The following TOGARAM2 variants were observed in gnomAD, a reference collection of about 807,000 sequenced individuals.
TOGARAM2 encodes TOG array regulator of axonemal microtubules protein 2.
TOGARAM2 carries 85 observed loss-of-function variants against 93.3 expected under a neutral mutation model. The observed-to-expected ratio is 0.91, with a 90% CI of 0.76 to 1.09. TOGARAM2 has a LOEUF of 1.09. Ranked by LOEUF, TOGARAM2 falls within the 50% of genes least tolerant of loss-of-function variation. TOGARAM2 has a pLI of 0.00. For synonymous variants in TOGARAM2, 593 were observed against 552.8 expected (o/e 1.07, Z -1.02); for missense variants, 1,277 against 1,334.5 (o/e 0.96, Z 0.67).
rs372207139 is a variant in TOGARAM2, at chr2:29,014,438, T to A, written c.921T>A (p.Ala307=). The change falls in exon 8 of 20, where the codon GCT becomes GCA. Residue 307 remains alanine, a synonymous_variant. Transcript: ENST00000379558. ...CACCCATCAGAGACAGGCCTGCCGC[T>A]GCCAAGAAGCCTGCCCTGCCTTTTT... ...LASPIRDRPA[A]AKKPALPFSQ... 6.2e-7 allele frequency: 1 copy of A among 1,609,752 alleles called. No individual in the cohort carries two copies. Among genetic ancestry groups the A allele is most frequent in the South Asian group, 1.1e-5 (1 of 89,810 alleles).
chr2:28,997,397 T>G (rs1673045555), intron 2 of TOGARAM2, among the ~76,000 whole-genome samples: 1 of 152,198 alleles, frequency 6.6e-6, no homozygotes, highest in African/African-American at 2.4e-5. Context: ...TCTGGGAAGC[T>G]TTTTCTGTCC....
intron 3 of TOGARAM2, among the ~76,000 whole-genome samples, 181 bp downstream of exon 3, chr2:28,998,434 G>T (rs1407752543): frequency 1.3e-5 from 2 of 152,238 alleles, no homozygotes. Context: ...TGCCTCAGAG[G>T]TTGGAGGTGT....
chr2:29,042,996 A>C (rs1016433108), intron 18 of TOGARAM2, among the ~76,000 whole-genome samples: 4 of 152,234 alleles, frequency 2.6e-5, no homozygotes, highest in African/African-American at 9.6e-5. Flanking sequence ...TGTTCCTTAC[A>C]TTAGAGAATG....
intron 1 of TOGARAM2, among the ~76,000 whole-genome samples, chr2:28,970,017 T>C (rs1671922188): frequency 6.6e-6 from 1 of 152,146 alleles, no homozygotes; most frequent in African/African-American, 2.4e-5. Flanking sequence ...TTCACCATGT[T>C]GGTCAGGCTG....
intron 1 of TOGARAM2, among the ~76,000 whole-genome samples, chr2:28,961,372 C>T (rs1331981843): frequency 1.3e-5 from 2 of 152,092 alleles, no homozygotes; most frequent in Non-Finnish European, 2.9e-5. Flanking sequence ...GAATCTTTCT[C>T]ACTCTGCCAC....
intron 1 of TOGARAM2, among the ~76,000 whole-genome samples, chr2:28,989,959 C>A (rs187188497): frequency 1.1e-3 from 169 of 152,360 alleles, no homozygotes; most frequent in Admixed American, 9.1e-3. Flanking sequence ...GTGAATCTCA[C>A]ATTTTCAGTG....
upstream of TOGARAM2, among the ~76,000 whole-genome samples, chr2:28,979,296 G>A (rs536957250): frequency 6.6e-6 from 1 of 152,362 alleles, no homozygotes; most frequent in South Asian, 2.1e-4. Flanking sequence ...CATGGTCACA[G>A]TGAGGGTGAG....
rs1665908454 is a variant in TOGARAM2, at chr2:29,033,565, T to C, written c.2225+2T>C. The C allele has an allele frequency of 6.2e-7, 1 of 1,611,720 alleles. No individual in the cohort carries two copies. ...GAACGGGCTGCCCATCAAGGAGGGGTATGGCTGCTCCTGTATCTCTGGGCT... is the reference window on the plus strand; with the variant it reads ...GAACGGGCTGCCCATCAAGGAGGGGCATGGCTGCTCCTGTATCTCTGGGCT... On this transcript the variant is annotated splice_donor_variant, in intron 16 of 19. Transcript: ENST00000379558. LOFTEE classifies it high-confidence loss of function.
At chr2:29,032,077 C>T (rs1210194308) in intron 14 of TOGARAM2, among the ~76,000 whole-genome samples, 1 of 152,170 alleles carries the variant, frequency 6.6e-6, no homozygotes, top group African/African-American at 2.4e-5. Context: ...AGTCTCCTGG[C>T]CCCTAGCCTT....
At position 29,026,936 on chromosome 2, in the gene TOGARAM2, C is replaced by T. The variant is rs368547569; in HGVS notation, c.1937C>T (p.Ser646Leu). Residue 646 changes from serine to leucine, a missense_variant, in exon 14 of 20, where the codon TCG (serine) becomes TTG (leucine). By Grantham distance (145) the Ser-to-Leu change is moderately radical (BLOSUM62 -2). Transcript: ENST00000379558. ...LEQIGAEKLL[S>L]GTRDSTDMLV... The stretch of plus-strand genomic sequence containing the variant: ...CAGATCGGCGCTGAGAAGCTTCTCT[C>T]GGGCACCAGAGACAGCACAGACATG... 12 of 1,578,014 alleles carry T rather than the reference C, an allele frequency of 7.6e-6. No homozygotes were observed. The highest frequency in any genetic ancestry group is 3.5e-5 in the South Asian group (3 of 85,766).
chr2:29,048,790 T>C (rs1411405190), intron 19 of TOGARAM2: 1 of 150,658 alleles, frequency 6.6e-6, no homozygotes, highest in Non-Finnish European at 1.5e-5. Context: ...GCCATTCTCA[T>C]GCTTCAGGCT....
intron 14 of TOGARAM2, chr2:29,032,700 GAA>G (rs1665841177): frequency 2.2e-6 from 1 of 457,792 alleles, no homozygotes; most frequent in Admixed American, 3.9e-5. Context: ...AAATGCCACA[GAA>G]AAAAGACTAT....
intron 18 of TOGARAM2, among the ~76,000 whole-genome samples, chr2:29,037,235 C>T (rs1572772850): frequency 6.6e-6 from 1 of 152,238 alleles, no homozygotes; most frequent in South Asian, 2.1e-4. Flanking sequence ...GCTTCTGGAA[C>T]GTTAAGGGAA....
At chr2:29,029,495 G>A (rs937897275) in intron 14 of TOGARAM2, among the ~76,000 whole-genome samples, 11 of 152,164 alleles carry the variant, frequency 7.2e-5, no homozygotes, top group African/African-American at 2.2e-4. Context: ...GGTGGCTCAC[G>A]CCTGTAATCC....
intron 3 of TOGARAM2, among the ~76,000 whole-genome samples, chr2:28,998,691 G>T (rs1434659381): frequency 6.6e-6 from 1 of 152,176 alleles, no homozygotes; most frequent in East Asian, 1.9e-4. Flanking sequence ...CTTCCTGAAG[G>T]TCTTCTAGAA....
intron 1 of TOGARAM2, among the ~76,000 whole-genome samples, chr2:28,962,771 C>A (rs1671818858): frequency 8.0e-6 from 1 of 124,696 alleles, no homozygotes; most frequent in African/African-American, 3.0e-5. Flanking sequence ...CCCTTCCCTC[C>A]CCTCCCCTTC....
At chr2:28,969,865 T>C (rs938031501) in intron 1 of TOGARAM2, among the ~76,000 whole-genome samples, 6 of 137,416 alleles carry the variant, frequency 4.4e-5, no homozygotes, top group African/African-American at 1.4e-4. Flanking sequence ...CAGGCTGGGG[T>C]GCAATGGCAC....
At chr2:28,997,680 C>G (rs1466966593) in intron 2 of TOGARAM2, among the ~76,000 whole-genome samples, 2 of 152,192 alleles carry the variant, frequency 1.3e-5, no homozygotes, top group South Asian at 4.1e-4. Flanking sequence ...ATTGGATGCT[C>G]TGTAACGGGT....
At chr2:29,040,321 C>G (rs1182496231) in intron 18 of TOGARAM2, among the ~76,000 whole-genome samples, 2 of 152,146 alleles carry the variant, frequency 1.3e-5, no homozygotes, top group Non-Finnish European at 2.9e-5. Flanking sequence ...AGAAGTCATA[C>G]TTATTTTGAA....
Sources: allele counts gnomAD v4.1 joint callset (sites outside exome capture counted in the v4.1 genomes callset), GRCh38; gene constraint gnomAD v4.1.1; transcripts MANE v1.5; gene names NCBI Gene and HGNC (gene_info 2026-07-23, HGNC 2026-07-21).